Variants in CCDC178 observed in about 807,000 individuals in gnomAD.
CCDC178 encodes the protein coiled-coil domain-containing protein 178.
Under a neutral mutation model 117.4 loss-of-function variants are expected in CCDC178, and 126 were observed. The observed-to-expected ratio is 1.07, with a 90% CI of 0.93 to 1.24. The LOEUF (loss-of-function observed/expected upper bound fraction) is 1.24, where lower values mean the gene tolerates loss of function less well. Ranked by LOEUF, CCDC178 falls within the 50% of genes most tolerant of loss-of-function variation. The pLI is 0.00. For missense variants in CCDC178, 1,030 were observed against 986.9 expected (o/e 1.04, Z -0.59); for synonymous variants, 283 against 313.4 (o/e 0.90, Z 1.02).
intron 7 of CCDC178, among the ~76,000 whole-genome samples, chr18:33,350,584 G>A (rs2062961562): frequency 6.6e-6 from 1 of 152,044 alleles, no homozygotes; most frequent in Non-Finnish European, 1.5e-5. Context: ...ATTTCTCCAT[G>A]TTGCAGTATG....
intron 20 of CCDC178, among the ~76,000 whole-genome samples, chr18:33,110,159 C>T (rs982225306): frequency 6.6e-6 from 1 of 151,470 alleles, no homozygotes; most frequent in Non-Finnish European, 1.5e-5. Flanking sequence ...TCATGTTGAG[C>T]ACAATTTCAT....
chr18:33,176,040 C>CTCTTG, intron 20 of CCDC178, among the ~76,000 whole-genome samples: 1 of 152,038 alleles, frequency 6.6e-6, no homozygotes, highest in Non-Finnish European at 1.5e-5. Context: ...CAGGTGTGTT[C>CTCTTG]TCTTGTCTTT....
chr18:33,221,068 C>T (rs1354483347), intron 18 of CCDC178, among the ~76,000 whole-genome samples: 2 of 152,070 alleles, frequency 1.3e-5, no homozygotes, highest in Non-Finnish European at 2.9e-5. Flanking sequence ...CTGCAATTCA[C>T]TCACTTCATT....
chr18:33,391,868 CT>C (rs796905844), intron 4 of CCDC178, among the ~76,000 whole-genome samples: 49 of 144,698 alleles, frequency 3.4e-4, no homozygotes, highest in Admixed American at 4.9e-4. Context: ...ACAAATAATT[CT>C]TTTTTTTTTT....
intron 20 of CCDC178, among the ~76,000 whole-genome samples, chr18:33,152,681 T>G (rs189800202): frequency 3.9e-5 from 6 of 152,152 alleles, no homozygotes; most frequent in Admixed American, 3.9e-4. Flanking sequence ...AACAGCTGAC[T>G]CCACAGAATT....
intron 21 of CCDC178, among the ~76,000 whole-genome samples, chr18:32,993,584 T>A (rs1277947936): frequency 6.6e-6 from 1 of 152,208 alleles, no homozygotes; most frequent in Non-Finnish European, 1.5e-5. Context: ...AGAACCCTCT[T>A]GGGCCAAGCC....
chr18:33,350,300 T>C (rs957057098), intron 7 of CCDC178, among the ~76,000 whole-genome samples: 5 of 152,124 alleles, frequency 3.3e-5, no homozygotes, highest in Admixed American at 2.6e-4. Flanking sequence ...CAAAGTCTCA[T>C]AACATATTAA....
chr18:32,938,076 A>C lies in CCDC178; in HGVS notation c.2539T>G (p.Leu847Val). 6.2e-7 allele frequency: 1 copy of C among 1,613,286 alleles called. No homozygotes were observed. Among genetic ancestry groups the C allele is most frequent in the Admixed American group, 1.7e-5 (1 of 60,004 alleles). The change falls in exon 23 of 23, where the codon TTA becomes GTA. Residue 847 changes from leucine (L) to valine (V), a missense_variant. Coordinates refer to ENST00000383096, the MANE Select transcript of CCDC178 (RefSeq NM_001105528.4). ...ILAVQEESSN[L>V]MQHILGFFQT... ...AAGAAACCTAAGATGTGTTGCATTA[A>C]ATTTGAAGATTCCTCCTGTTCAGAA...
At chr18:33,120,621 A>T (rs1349401897) in intron 20 of CCDC178, among the ~76,000 whole-genome samples, 3 of 152,182 alleles carry the variant, frequency 2.0e-5, no homozygotes, top group Non-Finnish European at 4.4e-5. Context: ...GGTAAAAGAA[A>T]TATGAAATGG....
At position 33,360,072 on chromosome 18, in the gene CCDC178, C is replaced by T. The variant is rs139976724; in HGVS notation, c.349-3726G>A. 1.1e-3 allele frequency among the ~76,000 whole-genome samples: 172 copies of T among 149,696 alleles called. 1 individual carries two copies. The highest frequency in any genetic ancestry group is 3.9e-3 in the African/African-American group (158 of 40,880). ...ATGTTAGAAATTTTTTTTTAATGGACGATAACAAGTGCTAATAAGGATGTG... is the reference window on the plus strand; with the variant it reads ...ATGTTAGAAATTTTTTTTTAATGGATGATAACAAGTGCTAATAAGGATGTG... On this transcript the variant is annotated intron_variant, in intron 6 of 22. Transcript: ENST00000383096.
At chr18:32,939,845 A>G (rs1000516292) in intron 22 of CCDC178, among the ~76,000 whole-genome samples, 4 of 152,152 alleles carry the variant, frequency 2.6e-5, no homozygotes, top group African/African-American at 9.6e-5. Context: ...GGGTCTTTAT[A>G]TAGAAACACA....
At chr18:33,038,256 A>G (rs1181577084) in intron 21 of CCDC178, among the ~76,000 whole-genome samples, 1 of 151,958 alleles carries the variant, frequency 6.6e-6, no homozygotes, top group Admixed American at 6.6e-5. Flanking sequence ...GACAGATTGG[A>G]AAACTATGAA....
chr18:33,205,868 T>C (rs1031611380), intron 20 of CCDC178, among the ~76,000 whole-genome samples: 15 of 152,170 alleles, frequency 9.9e-5, no homozygotes, highest in African/African-American at 3.6e-4. Flanking sequence ...GTAATTTTTG[T>C]ACTTTTTGTA....
chr18:33,291,462 G>A (rs549566694), intron 12 of CCDC178, among the ~76,000 whole-genome samples: 1 of 152,104 alleles, frequency 6.6e-6, no homozygotes, highest in East Asian at 1.9e-4. Flanking sequence ...ATTAAAATAT[G>A]TTCAGTTCCA....
chr18:33,203,796 A>G (rs1006151906), intron 20 of CCDC178, among the ~76,000 whole-genome samples: 1 of 152,178 alleles, frequency 6.6e-6, no homozygotes, highest in Non-Finnish European at 1.5e-5. Context: ...TCTGCCCTAC[A>G]TTAGTTGGTG....
At chr18:32,980,781 T>C (rs2055140357) in intron 21 of CCDC178, among the ~76,000 whole-genome samples, 1 of 152,056 alleles carries the variant, frequency 6.6e-6, no homozygotes, top group African/African-American at 2.4e-5. Context: ...ACTAACAAAA[T>C]CTGTCAATAT....
chr18:33,066,774 C>T (rs1192322601), intron 21 of CCDC178, among the ~76,000 whole-genome samples: 1 of 152,082 alleles, frequency 6.6e-6, no homozygotes, highest in South Asian at 2.1e-4. Context: ...CTGTATAATG[C>T]TAAAAGGACT....
chr18:33,223,512 C>T (rs937163932), intron 17 of CCDC178, among the ~76,000 whole-genome samples: 1 of 151,948 alleles, frequency 6.6e-6, no homozygotes. Context: ...TTAATCAAAA[C>T]TAAAACTCCA....
chr18:33,323,347 T>C, intron 11 of CCDC178, 144 bp downstream of exon 11: 1 of 420,410 alleles, frequency 2.4e-6, no homozygotes, highest in South Asian at 1.1e-4. Flanking sequence ...TATTTACATA[T>C]AAACTTGGTG....
Sources: gnomAD v4.1 joint callset for allele counts (sites outside exome capture counted in the v4.1 genomes callset) on GRCh38, gnomAD v4.1.1 for gene constraint, MANE v1.5 for transcripts, NCBI Gene and HGNC (gene_info 2026-07-23, HGNC 2026-07-21) for gene names.